The following TM6SF1 variants were observed in gnomAD, a reference collection of about 807,000 sequenced individuals.
TM6SF1 encodes transmembrane 6 superfamily member 1.
In TM6SF1, 43 loss-of-function variants were observed where a neutral mutation model predicts 47.1. That is an observed-to-expected ratio of 0.91 (90% CI 0.72 to 1.18). The LOEUF (loss-of-function observed/expected upper bound fraction) is 1.18, where lower values mean the gene tolerates loss of function less well. Ranked by LOEUF, TM6SF1 falls within the 50% of genes most tolerant of loss-of-function variation. The pLI is 0.00. For synonymous variants in TM6SF1, 177 were observed against 166.3 expected (o/e 1.06, Z -0.49); for missense variants, 390 against 449.0 (o/e 0.87, Z 1.19).
intron 2 of TM6SF1, 182 bp from the exon 3 acceptor site, chr15:83,115,663 C>T (rs561010131): frequency 8.7e-6 from 6 of 693,448 alleles, no homozygotes; most frequent in Middle Eastern, 2.3e-4. Flanking sequence ...GGGAGAGCTG[C>T]GAACACAGGT....
intron 2 of TM6SF1, chr15:83,115,602 C>T (rs2034585709): frequency 1.1e-5 from 7 of 645,426 alleles, no homozygotes; most frequent in Non-Finnish European, 5.8e-6. Flanking sequence ...GACCATCATT[C>T]TCCACTCCTG....
At position 83,121,925 on chromosome 15, in the gene TM6SF1, A is replaced by C. The variant is rs1198142114; in HGVS notation, c.403A>C (p.Thr135Pro). The change falls in exon 5 of 10, where the codon ACT becomes CCT. Residue 135 changes from threonine (T) to proline (P), a missense_variant. Thr to Pro is a conservative substitution (Grantham distance 38). Transcript: ENST00000322019. The stretch of plus-strand genomic sequence containing the variant: ...TTTTTGTTGTTGTTGTTACAGGGAA[A>C]CTTATAGAACCATTGGCCTATATTG... ...VMVAAIAWEETYRTIGLYWVG... is the reference protein window; with the variant it reads ...VMVAAIAWEEPYRTIGLYWVG... The C allele has an allele frequency of 1.3e-6, 2 of 1,598,506 alleles. No individual in the cohort carries two copies. The highest frequency in any genetic ancestry group is 3.6e-5 in the Admixed American group (2 of 55,264).
chr15:83,135,320 T>C (rs779367488), intron 9 of TM6SF1: 1 of 152,258 alleles, frequency 6.6e-6, no homozygotes, highest in Non-Finnish European at 1.5e-5. Flanking sequence ...TGGTTTCATA[T>C]GGAAGAAATG....
At chr15:83,113,616 C>T (rs1432861456) in intron 2 of TM6SF1, 2 of 152,462 alleles carry the variant, frequency 1.3e-5, no homozygotes, top group African/African-American at 4.8e-5. Context: ...ACCCCAAGTC[C>T]TACAGCAACA....
At chr15:83,133,890 G>C (rs912268294) in intron 9 of TM6SF1, 3 of 152,364 alleles carry the variant, frequency 2.0e-5, no homozygotes, top group African/African-American at 7.2e-5. Flanking sequence ...CACTCAGCTG[G>C]AAGTGTGGCC....
chr15:83,108,831 G>C (rs2033899696), intron 1 of TM6SF1, among the ~76,000 whole-genome samples: 1 of 152,234 alleles, frequency 6.6e-6, no homozygotes, highest in South Asian at 2.1e-4. Flanking sequence ...CCTGATACAG[G>C]CAGCACCCAC....
chr15:83,127,976 A>C (rs577351774), intron 9 of TM6SF1: 1 of 155,006 alleles, frequency 6.5e-6, no homozygotes, highest in Non-Finnish European at 1.4e-5. Flanking sequence ...GGCCTAGAGT[A>C]GGTGTTCAGT....
At position 83,115,837 on chromosome 15, in the gene TM6SF1, T is replaced by C. The variant is rs750511223; in HGVS notation, c.197-8T>C. The C allele has an allele frequency of 2.5e-6, 4 of 1,605,232 alleles. No individual in the cohort carries two copies. The Admixed American group carries it at 6.7e-5, about 27-fold the overall frequency. On this transcript the variant is annotated splice_polypyrimidine_tract_variant and splice_region_variant and intron_variant, in intron 2 of 9. Transcript: ENST00000322019. The stretch of plus-strand genomic sequence containing the variant: ...TTGCTTTTTAAACTGCTGCTTTCTT[T>C]GCTCTAGTGTATGCAGTTTTTGGAT...
chr15:83,122,427 G>A (rs905630583), intron 5 of TM6SF1, among the ~76,000 whole-genome samples: 4 of 152,054 alleles, frequency 2.6e-5, no homozygotes, highest in African/African-American at 9.7e-5. Flanking sequence ...ATAGATATAG[G>A]GAGATAGATA....
At chr15:83,123,625 T>TC (rs1253370420) in intron 6 of TM6SF1, among the ~76,000 whole-genome samples, 2 of 152,232 alleles carry the variant, frequency 1.3e-5, no homozygotes, top group Non-Finnish European at 2.9e-5. Context: ...GACAAATACT[T>TC]CATTTGTAAA....
intron 2 of TM6SF1, chr15:83,115,451 A>G (rs960446257): frequency 2.7e-5 from 10 of 365,672 alleles, no homozygotes; most frequent in Non-Finnish European, 4.3e-5. Flanking sequence ...GGTCACTTCT[A>G]TGCTTCCTTG....
chr15:83,108,975 C>A (rs2033912489), intron 1 of TM6SF1, among the ~76,000 whole-genome samples: 1 of 152,134 alleles, frequency 6.6e-6, no homozygotes, highest in African/African-American at 2.4e-5. Flanking sequence ...GGACCCTGTG[C>A]TCCAAAAAAT....
chr15:83,112,937 T>C, intron 2 of TM6SF1, 37 bp downstream of exon 2: 1 of 1,470,890 alleles, frequency 6.8e-7, no homozygotes, highest in Non-Finnish European at 9.5e-7. Flanking sequence ...TGTATCTGAT[T>C]AATAACACAA....
chr15:83,128,370 C>T (rs2151378141), intron 9 of TM6SF1: 1 of 152,206 alleles, frequency 6.6e-6, no homozygotes, highest in East Asian at 1.9e-4. Flanking sequence ...ATAGTAGTAT[C>T]GAAAAAGTTG....
At chr15:83,113,130 A>G in intron 2 of TM6SF1, 1 of 568,868 alleles carries the variant, frequency 1.8e-6, no homozygotes, top group Non-Finnish European at 3.2e-6. Context: ...CTGCCAGGCC[A>G]GGCAGGGCAC....
Position 83,107,743 on chromosome 15 carries a change from T to G in TM6SF1, c.63T>G (p.Tyr21Ter). ...VLSLSAIPVT[Y>*]VFNHLAAQHD... is the part of the protein sequence containing the mutation. The stretch of plus-strand genomic sequence containing the variant: ...CCCTCTCGGCCATCCCGGTCACCTA[T>G]GTCTTCAACCACCTGGCGGCCCAGC... Residue 21 changes from tyrosine (Y) to a stop codon, truncating the protein, a stop_gained, in exon 1 of 10, where the codon TAT becomes TAG. Coordinates refer to ENST00000322019, the MANE Select transcript of TM6SF1 (RefSeq NM_023003.5). LOFTEE classifies it high-confidence loss of function. The surrounding 1 kb of genome is among the most constrained non-coding windows in gnomAD (Gnocchi z 5.6). 6.3e-7 allele frequency: 1 copy of G among 1,583,868 alleles called. No homozygotes were observed. The highest frequency in any genetic ancestry group is 8.6e-7 in the Non-Finnish European group (1 of 1,166,648).
chr15:83,118,152 A>G (rs930106776), intron 3 of TM6SF1, among the ~76,000 whole-genome samples: 2 of 152,088 alleles, frequency 1.3e-5, no homozygotes, highest in Non-Finnish European at 2.9e-5. Flanking sequence ...GCTTGACGCC[A>G]GGAGTTGAGA....
At chr15:83,109,056 T>C (rs2033918915) in intron 1 of TM6SF1, among the ~76,000 whole-genome samples, 1 of 152,206 alleles carries the variant, frequency 6.6e-6, no homozygotes. Flanking sequence ...CAAGTGTTGG[T>C]GACATAGCTA....
intron 7 of TM6SF1, among the ~76,000 whole-genome samples, chr15:83,125,027 T>C (rs527666499): frequency 3.5e-4 from 54 of 152,290 alleles, no homozygotes; most frequent in African/African-American, 1.2e-3. Flanking sequence ...TTAGGGCATC[T>C]AAAAAATCAG....
Sources: gnomAD v4.1 joint callset for allele counts (sites outside exome capture counted in the v4.1 genomes callset) on GRCh38, gnomAD v4.1.1 for gene constraint, Gnocchi (gnomAD v3.1) non-coding constraint, MANE v1.5 for transcripts, NCBI Gene and HGNC (gene_info 2026-07-23, HGNC 2026-07-21) for gene names.